The following EXOC6B variants were observed in gnomAD, a reference collection of about 807,000 sequenced individuals.
EXOC6B encodes SEC15 homolog B.
In EXOC6B, 54 loss-of-function variants were observed where a neutral mutation model predicts 113.5. That is an observed-to-expected ratio of 0.48 (90% CI 0.38 to 0.60). The LOEUF (loss-of-function observed/expected upper bound fraction) is 0.60. Among genes scored for constraint, EXOC6B ranks in the 20% least tolerant of loss-of-function variants. EXOC6B has a pLI of 0.00. For synonymous variants in EXOC6B, 357 were observed against 339.0 expected (o/e 1.05, Z -0.58); for missense variants, 797 against 977.5 (o/e 0.82, Z 2.46).
intron 20 of EXOC6B, among the ~76,000 whole-genome samples, chr2:72,239,626 T>C (rs1682179601): frequency 6.6e-6 from 1 of 152,208 alleles, no homozygotes; most frequent in Non-Finnish European, 1.5e-5. Context: ...TCTTCCAACT[T>C]TGTTCTTTCT....
Position 72,555,662 on chromosome 2 carries a change from A to G in EXOC6B, c.915+3791T>C, listed in dbSNP as rs1344943651. On this transcript the variant is annotated intron_variant, in intron 8 of 21. Transcript: ENST00000272427. The stretch of plus-strand genomic sequence containing the variant: ...TGGAGTTCCACACAACTTTCAAGGG[A>G]CAGAGTGAGTCCCCAGCTTTGTTGC... Among the ~76,000 whole-genome samples the G allele has an allele frequency of 2.0e-5, 3 of 152,048 alleles. No individual in the cohort carries two copies. In the East Asian group the frequency reaches 5.8e-4, roughly 29 times the overall value.
chr2:72,503,291 T>C (rs1242647651), intron 11 of EXOC6B, among the ~76,000 whole-genome samples: 2 of 152,202 alleles, frequency 1.3e-5, no homozygotes, highest in Non-Finnish European at 2.9e-5. Context: ...TCCACCATCA[T>C]ATTATCATTG....
At chr2:72,656,296 G>T (rs1674568545) in intron 6 of EXOC6B, among the ~76,000 whole-genome samples, 1 of 152,062 alleles carries the variant, frequency 6.6e-6, no homozygotes, top group Non-Finnish European at 1.5e-5. Flanking sequence ...TTCAATAAAT[G>T]AGAAAACTGG....
intron 18 of EXOC6B, among the ~76,000 whole-genome samples, chr2:72,417,837 C>A (rs932721584): frequency 1.3e-5 from 2 of 152,002 alleles, no homozygotes; most frequent in Non-Finnish European, 2.9e-5. Flanking sequence ...ATTTCCTTTT[C>A]CTTCACATTC....
At chr2:72,460,211 T>C (rs988597691) in intron 18 of EXOC6B, among the ~76,000 whole-genome samples, 1 of 152,026 alleles carries the variant, frequency 6.6e-6, no homozygotes, top group African/African-American at 2.4e-5. Context: ...TAATTCAAGA[T>C]GGATTAAAGA....
At chr2:72,755,095 T>C (rs1365586300) in intron 1 of EXOC6B, among the ~76,000 whole-genome samples, 4 of 152,188 alleles carry the variant, frequency 2.6e-5, no homozygotes, top group Non-Finnish European at 5.9e-5. Flanking sequence ...TTTGACACTG[T>C]ATAAATTTGA....
intron 1 of EXOC6B, among the ~76,000 whole-genome samples, chr2:72,796,557 T>G (rs560070164): frequency 7.7e-4 from 117 of 152,230 alleles, no homozygotes; most frequent in African/African-American, 2.7e-3. Context: ...CTCTATTTTA[T>G]TCATCTTTCT....
chr2:72,426,965 TGCA>T (rs1317103973), intron 18 of EXOC6B, among the ~76,000 whole-genome samples: 1 of 152,194 alleles, frequency 6.6e-6, no homozygotes, highest in Non-Finnish European at 1.5e-5. Context: ...GCCACCCTCG[TGCA>T]GCCAGACGGG....
Position 72,541,779 on chromosome 2 carries a change from C to G in EXOC6B, c.915+17674G>C, listed in dbSNP as rs1198588252. Among the ~76,000 whole-genome samples, 8 of 152,184 alleles carry G rather than the reference C, an allele frequency of 5.3e-5. No homozygotes were observed. The East Asian group carries it at 1.4e-3, about 26-fold the overall frequency. On this transcript the variant is annotated intron_variant, in intron 8 of 21. Transcript: ENST00000272427. ...GTTTCTTTATGATTTAGTAATATTC[C>G]CAGCTATTACACCAGGTGTTTTTAC...
chr2:72,515,623 C>T (rs531019208), intron 8 of EXOC6B: 5 of 989,494 alleles, frequency 5.1e-6, no homozygotes, highest in Non-Finnish European at 6.0e-6. Context: ...CAGGATTAAA[C>T]CCAAAAAACA....
At chr2:72,458,631 G>C (rs778960558) in intron 18 of EXOC6B, among the ~76,000 whole-genome samples, 5 of 151,704 alleles carry the variant, frequency 3.3e-5, no homozygotes, top group African/African-American at 9.7e-5. Context: ...ACACTGAGAC[G>C]TTTTATAGTA....
chr2:72,731,751 T>C (rs1680656429), intron 3 of EXOC6B, among the ~76,000 whole-genome samples: 1 of 152,340 alleles, frequency 6.6e-6, no homozygotes, highest in Admixed American at 6.5e-5. Flanking sequence ...GCAGCATTCA[T>C]CCTATACCCA....
intron 1 of EXOC6B, among the ~76,000 whole-genome samples, chr2:72,818,403 C>T (rs1686396303): frequency 6.6e-6 from 1 of 150,836 alleles, no homozygotes; most frequent in South Asian, 2.1e-4. Flanking sequence ...CCTCGTGATC[C>T]GCCCGCCTCG....
chr2:72,751,209 C>G (rs1189125034), intron 1 of EXOC6B, among the ~76,000 whole-genome samples: 2 of 152,078 alleles, frequency 1.3e-5, no homozygotes, highest in Non-Finnish European at 2.9e-5. Context: ...GATTGAGATA[C>G]AGCTTGCTAT....
At chr2:72,810,953 G>A (rs1445070655) in intron 1 of EXOC6B, among the ~76,000 whole-genome samples, 4 of 151,744 alleles carry the variant, frequency 2.6e-5, no homozygotes, top group Non-Finnish European at 5.9e-5. Flanking sequence ...AGGATGAGGT[G>A]AGAGGATCAC....
At chr2:72,559,713 C>A (rs879844056) in intron 7 of EXOC6B, among the ~76,000 whole-genome samples, 192 bp from the exon 8 acceptor site, 1 of 152,138 alleles carries the variant, frequency 6.6e-6, no homozygotes. Context: ...AATTAATAAA[C>A]CGTGAAGATA....
At chr2:72,267,231 A>C (rs553132466) in intron 20 of EXOC6B, among the ~76,000 whole-genome samples, 5 of 152,180 alleles carry the variant, frequency 3.3e-5, no homozygotes, top group South Asian at 2.1e-4. Flanking sequence ...CTCTTTTCCT[A>C]ATTGAATACC....
intron 18 of EXOC6B, among the ~76,000 whole-genome samples, chr2:72,431,485 TTA>T (rs1695518694): frequency 1.5e-5 from 2 of 133,784 alleles, no homozygotes; most frequent in African/African-American, 5.8e-5. Context: ...CTTGATTTCT[TTA>T]TCTATCTATC....
intron 8 of EXOC6B, among the ~76,000 whole-genome samples, chr2:72,552,838 T>A (rs1422675898): frequency 6.6e-6 from 1 of 151,936 alleles, no homozygotes; most frequent in Non-Finnish European, 1.5e-5. Flanking sequence ...TTATGTTTTC[T>A]TAAAAGATTA....
Sources: allele counts gnomAD v4.1 joint callset (sites outside exome capture counted in the v4.1 genomes callset), GRCh38; gene constraint gnomAD v4.1.1; transcripts MANE v1.5; gene names NCBI Gene and HGNC (gene_info 2026-07-23, HGNC 2026-07-21).